Variants in L3MBTL4 observed in about 807,000 individuals in gnomAD.
The protein encoded by L3MBTL4 is lethal(3)malignant brain tumor-like protein 4.
Under a neutral mutation model 84.5 loss-of-function variants are expected in L3MBTL4, and 70 were observed. That is an observed-to-expected ratio of 0.83 (90% CI 0.68 to 1.01). The LOEUF is 1.01. Ranked by LOEUF, L3MBTL4 falls within the 50% of genes least tolerant of loss-of-function variation. L3MBTL4 has a pLI of 0.00. For missense variants in L3MBTL4, 715 were observed against 754.8 expected (o/e 0.95, Z 0.62); for synonymous variants, 274 against 259.8 (o/e 1.05, Z -0.52).
chr18:6,402,610 G>A (rs1353087321), intron 1 of L3MBTL4, among the ~76,000 whole-genome samples: 4 of 151,976 alleles, frequency 2.6e-5, no homozygotes, highest in African/African-American at 7.3e-5. Flanking sequence ...TACAGAACAA[G>A]GTTTGAACAT....
At chr18:6,224,775 G>A (rs911701298) in intron 10 of L3MBTL4, among the ~76,000 whole-genome samples, 3 of 152,064 alleles carry the variant, frequency 2.0e-5, no homozygotes, top group Non-Finnish European at 4.4e-5. Flanking sequence ...ACACCCTACA[G>A]GAAGGCTCAC....
chr18:6,372,086 G>T (rs1438467550), intron 1 of L3MBTL4, among the ~76,000 whole-genome samples: 1 of 152,180 alleles, frequency 6.6e-6, no homozygotes, highest in Non-Finnish European at 1.5e-5. Flanking sequence ...ATTTCCTAAG[G>T]TTGTTTATGC....
intron 1 of L3MBTL4, among the ~76,000 whole-genome samples, chr18:6,341,635 T>C (rs141134593): frequency 2.8e-4 from 42 of 152,076 alleles, no homozygotes; most frequent in African/African-American, 9.9e-4. Context: ...ACAGGACTTA[T>C]AGAACAGCAT....
intron 1 of L3MBTL4, among the ~76,000 whole-genome samples, chr18:6,345,244 A>AAAAAAAAAT: frequency 6.7e-6 from 1 of 150,360 alleles, no homozygotes; most frequent in South Asian, 2.1e-4. Context: ...AAAGAAAAAA[A>AAAAAAAAAT]AAAAGAGCCG....
chr18:6,040,660 T>A (rs375592451), intron 16 of L3MBTL4, among the ~76,000 whole-genome samples: 1 of 151,972 alleles, frequency 6.6e-6, no homozygotes, highest in Admixed American at 6.6e-5. Context: ...AGACAAGGAG[T>A]CCTTTGAGTG....
intron 16 of L3MBTL4, among the ~76,000 whole-genome samples, chr18:6,043,368 G>A (rs775205723): frequency 9.2e-5 from 14 of 152,076 alleles, no homozygotes; most frequent in Non-Finnish European, 1.8e-4. Flanking sequence ...CTCCCCACAG[G>A]CAGTATTCCA....
At chr18:6,121,686 G>C (rs1042245258) in intron 14 of L3MBTL4, among the ~76,000 whole-genome samples, 1 of 79,992 alleles carries the variant, frequency 1.3e-5, no homozygotes, top group East Asian at 3.3e-4. Context: ...TTGTTTCCCC[G>C]TGTGTGTGTG....
intron 13 of L3MBTL4, among the ~76,000 whole-genome samples, chr18:6,159,930 C>A (rs1716858531): frequency 6.6e-6 from 1 of 152,204 alleles, no homozygotes; most frequent in African/African-American, 2.4e-5. Context: ...CATTTAAAAG[C>A]ATTTCTACAT....
intron 16 of L3MBTL4, among the ~76,000 whole-genome samples, chr18:6,078,506 G>A (rs1451995335): frequency 1.3e-5 from 2 of 149,776 alleles, no homozygotes; most frequent in Non-Finnish European, 3.0e-5. Flanking sequence ...CAGATTTGCA[G>A]GCTTAAGAAA....
intron 16 of L3MBTL4, among the ~76,000 whole-genome samples, chr18:5,989,430 T>C (rs184212698): frequency 1.3e-5 from 2 of 152,206 alleles, no homozygotes; most frequent in Non-Finnish European, 2.9e-5. Flanking sequence ...AAATCTGTAT[T>C]TGCTTACTTA....
chr18:6,113,464 CAA>C (rs34482524), intron 14 of L3MBTL4, among the ~76,000 whole-genome samples: 29,887 of 113,656 alleles, frequency 0.26, 2,887 homozygotes, highest in East Asian at 0.54. Flanking sequence ...CAAGTGTGGG[CAA>C]AAAAAAAAAA....
chr18:5,972,892 G>GAGAATAGAATAGAATAGAAT (rs5822882), intron 16 of L3MBTL4, among the ~76,000 whole-genome samples: 2 of 132,034 alleles, frequency 1.5e-5, no homozygotes, highest in Non-Finnish European at 3.4e-5. Flanking sequence ...TAGAACAGAA[G>GAGAATAGAATAGAATAGAAT]AGAATAGAAT....
chr18:6,397,918 C>G (rs1295590367), intron 1 of L3MBTL4: 2 of 151,052 alleles, frequency 1.3e-5, no homozygotes, highest in Non-Finnish European at 2.9e-5. Flanking sequence ...CCATAGTAAC[C>G]CCTCCTCTTC....
intron 1 of L3MBTL4, among the ~76,000 whole-genome samples, chr18:6,351,189 C>G (rs1253534055): frequency 6.6e-6 from 1 of 152,040 alleles, no homozygotes; most frequent in Non-Finnish European, 1.5e-5. Context: ...CAGCGAGACT[C>G]CATCTCGAAA....
rs183511043 is a variant in L3MBTL4, at chr18:6,102,255, T to G, written c.1200-8727A>C. 5.8e-4 allele frequency among the ~76,000 whole-genome samples: 89 copies of G among 152,344 alleles called. 1 individual carries two copies. Among genetic ancestry groups the G allele is most frequent in the Admixed American group, 2.4e-3 (37 of 15,306 alleles). On this transcript the variant is annotated intron_variant, in intron 14 of 18. Transcript: ENST00000317931. ...GGTATATGGCAAGTTATCTATTTAT[T>G]GATGTCACTCAAATTGATGCCAAGC...
chr18:5,957,208 A>C (rs543505000), intron 18 of L3MBTL4, among the ~76,000 whole-genome samples: 51 of 152,232 alleles, frequency 3.4e-4, no homozygotes, highest in Non-Finnish European at 5.7e-4. Flanking sequence ...AATACATTTC[A>C]AAACTTGCAC....
At chr18:6,020,429 C>T (rs1359767203) in intron 16 of L3MBTL4, among the ~76,000 whole-genome samples, 2 of 152,072 alleles carry the variant, frequency 1.3e-5, no homozygotes, top group African/African-American at 4.8e-5. Flanking sequence ...CATGAAGGTC[C>T]CAGAAAGCTG....
At chr18:6,234,696 G>C (rs929078212) in intron 10 of L3MBTL4, among the ~76,000 whole-genome samples, 1 of 152,168 alleles carries the variant, frequency 6.6e-6, no homozygotes, top group Non-Finnish European at 1.5e-5. Context: ...TGGAGAAATA[G>C]GAACACTTTT....
chr18:6,247,578 A>C (rs1461920515), intron 5 of L3MBTL4, among the ~76,000 whole-genome samples: 1 of 147,534 alleles, frequency 6.8e-6, no homozygotes, highest in Non-Finnish European at 1.5e-5. Context: ...TCCCAGGTTC[A>C]AGCGATTCTC....
Sources: allele counts gnomAD v4.1 joint callset (sites outside exome capture counted in the v4.1 genomes callset), GRCh38; gene constraint gnomAD v4.1.1; transcripts MANE v1.5; gene names NCBI Gene and HGNC (gene_info 2026-07-23, HGNC 2026-07-21).